Variants in OR52N4 observed in about 807,000 individuals in gnomAD.
OR52N4 encodes the protein olfactory receptor 52N4.
A neutral mutation model predicts 15.0 loss-of-function variants in OR52N4; 15 were observed. That is an observed-to-expected ratio of 1.00 (90% CI 0.67 to 1.54). OR52N4 has a LOEUF of 1.54. Among genes scored for constraint, OR52N4 ranks in the 40% most tolerant of loss-of-function variants. OR52N4 has a pLI of 0.00. For synonymous variants in OR52N4, 143 were observed against 143.7 expected, an observed-to-expected ratio of 1.00 and a Z score of 0.03; for missense variants, 421 against 394.0, an observed-to-expected ratio of 1.07 and a Z score of -0.58.
At chr11:5,752,122 C>T (rs1854204127), upstream of OR52N4, among the ~76,000 whole-genome samples, 1 of 152,130 alleles carries the variant, frequency 6.6e-6, no homozygotes, top group Admixed American at 6.6e-5. Flanking sequence ...ACCACTTTGA[C>T]CTGTCAGAAT....
the OR52N4 span, among the ~76,000 whole-genome samples, chr11:5,732,571 T>C: frequency 6.6e-6 from 1 of 152,192 alleles, no homozygotes; most frequent in Non-Finnish European, 1.5e-5. Context: ...TCTTTTCCTA[T>C]ATAGGTTATT....
At chr11:5,741,467 T>A in the OR52N4 span, among the ~76,000 whole-genome samples, 1 of 152,194 alleles carries the variant, frequency 6.6e-6, no homozygotes, top group Non-Finnish European at 1.5e-5. Context: ...CAGTTGGGCA[T>A]TGCATTGCAC....
At chr11:5,748,367 G>A in the OR52N4 span, among the ~76,000 whole-genome samples, 1 of 150,290 alleles carries the variant, frequency 6.7e-6, no homozygotes, top group Non-Finnish European at 1.5e-5. Context: ...TTCATAAAAT[G>A]GATATAATTT....
upstream of OR52N4, among the ~76,000 whole-genome samples, chr11:5,749,740 T>C (rs976362540): frequency 1.3e-5 from 2 of 151,760 alleles, no homozygotes; most frequent in Non-Finnish European, 2.9e-5. Context: ...GTCTACTAGA[T>C]TGGAGATGGT....
the OR52N4 span, among the ~76,000 whole-genome samples, chr11:5,741,507 G>A: frequency 6.6e-6 from 1 of 152,154 alleles, no homozygotes. Context: ...AGCAGCTGGG[G>A]ATGCTGAAAT....
chr11:5,753,793 G>A (rs1854236389), upstream of OR52N4, among the ~76,000 whole-genome samples: 1 of 151,956 alleles, frequency 6.6e-6, no homozygotes, highest in African/African-American at 2.4e-5. Flanking sequence ...AGGAGTTGGA[G>A]ACCAACCTGA....
At chr11:5,732,944 A>G in the OR52N4 span, among the ~76,000 whole-genome samples, 1 of 152,184 alleles carries the variant, frequency 6.6e-6, no homozygotes, top group Non-Finnish European at 1.5e-5. Context: ...ATTCCATTCC[A>G]GTGCATGTAT....
At chr11:5,733,311 T>TTGTACCTTGTTG in the OR52N4 span, among the ~76,000 whole-genome samples, 10 of 152,138 alleles carry the variant, frequency 6.6e-5, no homozygotes, top group Non-Finnish European at 1.2e-4. Context: ...CACCTTGAGG[T>TTGTACCTTGTTG]TACCTTGTTG....
the OR52N4 span, among the ~76,000 whole-genome samples, chr11:5,747,196 A>G: frequency 3.3e-5 from 5 of 151,772 alleles, no homozygotes; most frequent in Non-Finnish European, 7.4e-5. Context: ...CATTGGTCAA[A>G]GGTAACAAAA....
chr11:5,732,963 T>TA, the OR52N4 span, among the ~76,000 whole-genome samples: 1 of 152,120 alleles, frequency 6.6e-6, no homozygotes, highest in African/African-American at 2.4e-5. Flanking sequence ...ATGAGAAACT[T>TA]AGAGTTATTT....
chr11:5,741,407 G>C, the OR52N4 span, among the ~76,000 whole-genome samples: 20 of 152,220 alleles, frequency 1.3e-4, no homozygotes, highest in African/African-American at 4.8e-4. Flanking sequence ...GAAGCCTGGA[G>C]AATGTGATGG....
the OR52N4 span, among the ~76,000 whole-genome samples, chr11:5,734,006 T>C: frequency 0.03 from 4,542 of 152,222 alleles, 72 homozygotes; most frequent in African/African-American, 0.045. Flanking sequence ...CAGCTTTCTC[T>C]ATAGGTCTTT....
chr11:5,736,814 G>T, the OR52N4 span: 2 of 1,613,846 alleles, frequency 1.2e-6, no homozygotes, highest in Non-Finnish European at 1.7e-6. Context: ...TGATGCCAAG[G>T]TTATTAGCCT....
rs2134215392 is a variant in OR52N4 at position 5,755,484 on chromosome 11, T to G, written c.744T>G (p.Cys248Trp). 3 of 1,614,004 alleles carry G rather than the reference T, an allele frequency of 1.9e-6. No individual in the cohort carries two copies. Among genetic ancestry groups the G allele is most frequent in the East Asian group, 4.5e-5 (2 of 44,870 alleles). ...KAFNTCTAHI[C>W]AIVFSYTPAF... ...TTAATACCTGCACTGCCCACATTTGTGCCATTGTTTTCTCCTATACTCCAG... is the reference window on the plus strand; with the variant it reads ...TTAATACCTGCACTGCCCACATTTGGGCCATTGTTTTCTCCTATACTCCAG... The change falls in exon 2 of 2, where the codon TGT (cysteine) becomes TGG (tryptophan). Residue 248 changes from cysteine (C) to tryptophan (W), a missense_variant. Transcript: ENST00000641350.
the OR52N4 span, among the ~76,000 whole-genome samples, chr11:5,742,202 GC>G: frequency 1.3e-5 from 2 of 152,016 alleles, no homozygotes; most frequent in Non-Finnish European, 2.9e-5. Flanking sequence ...AATGAACAAA[GC>G]CTTTGAGAAA....
At chr11:5,728,395 T>C in the OR52N4 span, among the ~76,000 whole-genome samples, 3 of 152,258 alleles carry the variant, frequency 2.0e-5, no homozygotes, top group East Asian at 1.9e-4. Flanking sequence ...CATGTGGTGA[T>C]GGAAAGTTCC....
chr11:5,749,181 G>A, the OR52N4 span, among the ~76,000 whole-genome samples: 4 of 151,848 alleles, frequency 2.6e-5, no homozygotes, highest in African/African-American at 7.2e-5. Context: ...AGTAGATTGC[G>A]TTTACAGATC....
the OR52N4 span, among the ~76,000 whole-genome samples, chr11:5,741,760 A>G: frequency 4.6e-5 from 7 of 152,142 alleles, no homozygotes; most frequent in Admixed American, 4.6e-4. Context: ...GTTGAGGCAA[A>G]TAACTGCCAG....
At chr11:5,740,325 T>C in the OR52N4 span, among the ~76,000 whole-genome samples, 33 of 127,650 alleles carry the variant, frequency 2.6e-4, 7 homozygotes, top group Admixed American at 2.5e-3. Context: ...GGGTGGACAA[T>C]GGCAGGAAAG....
Sources: allele counts gnomAD v4.1 joint callset (sites outside exome capture counted in the v4.1 genomes callset), GRCh38; gene constraint gnomAD v4.1.1; transcripts MANE v1.5; gene names NCBI Gene and HGNC (gene_info 2026-07-23, HGNC 2026-07-21).